SIPA1L1: variants seen among roughly 807,000 people sequenced by gnomAD.
SIPA1L1 encodes the protein signal-induced proliferation-associated 1-like protein 1.
In SIPA1L1, 26 loss-of-function variants were observed where a neutral mutation model predicts 162.7. That is an observed-to-expected ratio of 0.16 (90% CI 0.12 to 0.22). The LOEUF (loss-of-function observed/expected upper bound fraction) is 0.22, where lower values mean the gene tolerates loss of function less well. Among genes scored for constraint, SIPA1L1 ranks in the 10% least tolerant of loss-of-function variants. The pLI is 1.00. For synonymous variants in SIPA1L1, 829 were observed against 837.4 expected, an observed-to-expected ratio of 0.99 and a Z score of 0.17; for missense variants, 1,874 against 2,241.0, an observed-to-expected ratio of 0.84 and a Z score of 3.31.
intron 17 of SIPA1L1, among the ~76,000 whole-genome samples, chr14:71,717,748 T>C (rs2150122188): frequency 6.6e-6 from 1 of 152,298 alleles, no homozygotes; most frequent in Middle Eastern, 3.4e-3. Context: ...GGCCAGTGGG[T>C]TGGTCAGCTG....
chr14:71,619,297 G>A (rs1271849329), intron 6 of SIPA1L1, among the ~76,000 whole-genome samples: 1 of 152,096 alleles, frequency 6.6e-6, no homozygotes, highest in Non-Finnish European at 1.5e-5. Flanking sequence ...CCAAGCTCTT[G>A]CTGAGCTCAT....
At chr14:71,586,065 T>A (rs1447043453) in intron 4 of SIPA1L1, among the ~76,000 whole-genome samples, 1 of 152,136 alleles carries the variant, frequency 6.6e-6, no homozygotes, top group Non-Finnish European at 1.5e-5. Flanking sequence ...AAAAGCCATG[T>A]TTAATTAGGT....
rs1055760057 is a variant in SIPA1L1, at chr14:71,377,234, G to A, written c.-465+56053G>A. ...CTCCCAGATGGGGTGGCGGCTGGGC[G>A]GGGGTGCCCCCCCACCTCCCAGACG... On this transcript the variant is annotated intron_variant, in intron 2 of 23. Transcript: ENST00000381232. The surrounding 1 kb of genome is among the most constrained non-coding windows in gnomAD (Gnocchi z 4.8). Among the ~76,000 whole-genome samples, 9 of 151,124 alleles carry A rather than the reference G, an allele frequency of 6.0e-5. No individual in the cohort carries two copies. Among genetic ancestry groups the A allele is most frequent in the African/African-American group, 1.9e-4 (8 of 41,112 alleles).
intron 4 of SIPA1L1, among the ~76,000 whole-genome samples, chr14:71,578,393 T>C (rs965195202): frequency 1.3e-5 from 2 of 152,084 alleles, no homozygotes; most frequent in African/African-American, 2.4e-5. Context: ...CTCTCTATGC[T>C]CTTTCTTCAT....
chr14:71,354,523 C>G (rs1013063714), intron 2 of SIPA1L1, among the ~76,000 whole-genome samples: 1 of 151,720 alleles, frequency 6.6e-6, no homozygotes, highest in African/African-American at 2.4e-5. Context: ...GCAATCTGCC[C>G]GCCTTGGCCT....
chr14:71,680,395 C>T (rs2045684680), intron 12 of SIPA1L1, among the ~76,000 whole-genome samples: 3 of 152,208 alleles, frequency 2.0e-5, no homozygotes, highest in Non-Finnish European at 2.9e-5. Context: ...AAAGACACAA[C>T]ATACCAGAAT....
chr14:71,578,927 T>C (rs1432527916), intron 4 of SIPA1L1, among the ~76,000 whole-genome samples: 1 of 152,210 alleles, frequency 6.6e-6, no homozygotes, highest in African/African-American at 2.4e-5. Flanking sequence ...AGGTCACTTT[T>C]TTACTCTGAC....
Position 71,588,241 on chromosome 14 carries a change from C to T in SIPA1L1, c.369C>T (p.Ser123=), listed in dbSNP as rs1265155834. 1 of 1,614,124 alleles carries T rather than the reference C, an allele frequency of 6.2e-7. No homozygotes were observed. Among genetic ancestry groups the T allele is most frequent in the East Asian group, 2.2e-5 (1 of 44,882 alleles). The change falls in exon 5 of 24, where the codon AGC becomes AGT. Residue 123 remains serine, a synonymous_variant. Coordinates refer to ENST00000381232, the MANE Select transcript of SIPA1L1 (RefSeq NM_001386936.1). The surrounding 1 kb of genome is among the most constrained non-coding windows in gnomAD (Gnocchi z 4.3). Reference sequence around the variant, plus strand: ...CTGTGAGTCAGGGAAGTTCTGTTAGCCTCAATTCCAATGACTCAGCCATGC... The same window carrying T: ...CTGTGAGTCAGGGAAGTTCTGTTAGTCTCAATTCCAATGACTCAGCCATGC... ...SSPVSQGSSV[S]LNSNDSAMLK... is the part of the protein sequence containing the mutation.
intron 2 of SIPA1L1, among the ~76,000 whole-genome samples, chr14:71,354,281 C>CT (rs553737399): frequency 0.013 from 1,776 of 137,686 alleles, 11 homozygotes; most frequent in East Asian, 0.024. Flanking sequence ...TCATTTGTTT[C>CT]TTTTTTTTTT....
At chr14:71,339,715 T>G (rs1375766087) in intron 2 of SIPA1L1, among the ~76,000 whole-genome samples, 1 of 152,220 alleles carries the variant, frequency 6.6e-6, no homozygotes, top group Non-Finnish European at 1.5e-5. Flanking sequence ...GGAGCCACTC[T>G]ATCTTCATTT....
Position 71,588,988 on chromosome 14 carries a change from C to T in SIPA1L1, c.1116C>T (p.Val372=). 3 of 1,614,108 alleles carry T rather than the reference C, an allele frequency of 1.9e-6. No homozygotes were observed. Among genetic ancestry groups the T allele is most frequent in the Non-Finnish European group, 2.5e-6 (3 of 1,179,978 alleles). Residue 372 remains valine (V), a synonymous_variant, in exon 5 of 24, where the codon GTC becomes GTT. Coordinates refer to ENST00000381232, the MANE Select transcript of SIPA1L1 (RefSeq NM_001386936.1). This position sits in a 1 kb window ranked among gnomAD's most constrained non-coding sequence, Gnocchi z 4.3. ...GASAAAVASL[V]SGPLSHSASF... ...CCGCAGCTGCCGTGGCATCCTTGGTCTCTGGACCTCTGTCTCATTCAGCCA... is the reference window on the plus strand; with the variant it reads ...CCGCAGCTGCCGTGGCATCCTTGGTTTCTGGACCTCTGTCTCATTCAGCCA...
intron 19 of SIPA1L1, among the ~76,000 whole-genome samples, chr14:71,725,930 C>T (rs1391673498): frequency 6.6e-6 from 1 of 152,138 alleles, no homozygotes; most frequent in Admixed American, 6.5e-5. Context: ...TTTCCTAAAC[C>T]ACACACCAGC....
chr14:71,671,936 TG>T (rs2044572528), intron 11 of SIPA1L1, among the ~76,000 whole-genome samples: 1 of 150,200 alleles, frequency 6.7e-6, no homozygotes, highest in Non-Finnish European at 1.5e-5. Context: ...TGTGTGTGTG[TG>T]TGTGTGCGTT....
At chr14:71,568,763 A>G (rs992590470) in intron 4 of SIPA1L1, among the ~76,000 whole-genome samples, 7 of 152,240 alleles carry the variant, frequency 4.6e-5, no homozygotes, top group African/African-American at 1.4e-4. Context: ...GATACCATCT[A>G]TATAAATTTC....
rs192055876 is a variant in SIPA1L1 at position 71,646,266 on chromosome 14, T to C, written c.1819-4069T>C. On this transcript the variant is annotated intron_variant, in intron 7 of 23. Transcript: ENST00000381232. ...ATCTCGGCTCACTGCAAGCTCAGCCTCCCGGGTTCACGCCATTCTCCTGCC... is the reference window on the plus strand; with the variant it reads ...ATCTCGGCTCACTGCAAGCTCAGCCCCCCGGGTTCACGCCATTCTCCTGCC... Among the ~76,000 whole-genome samples, 222 of 150,666 alleles carry C rather than the reference T, an allele frequency of 1.5e-3. 2 individuals carry two copies. In the East Asian group the frequency reaches 0.039, roughly 27 times the overall value.
At chr14:71,368,041 G>A (rs1181714890) in intron 2 of SIPA1L1, among the ~76,000 whole-genome samples, 3 of 149,910 alleles carry the variant, frequency 2.0e-5, no homozygotes, top group Non-Finnish European at 4.4e-5. Context: ...AGTCAGAATA[G>A]AACTTAGACT....
intron 2 of SIPA1L1, among the ~76,000 whole-genome samples, chr14:71,416,749 ACACGCATG>A (rs2042796369): frequency 1.3e-5 from 2 of 149,026 alleles, no homozygotes; most frequent in Admixed American, 6.7e-5. Flanking sequence ...ACACACACAC[ACACGCATG>A]CACACACACA....
chr14:71,382,624 G>A (rs1566954635), intron 2 of SIPA1L1, among the ~76,000 whole-genome samples: 1 of 152,186 alleles, frequency 6.6e-6, no homozygotes, highest in Non-Finnish European at 1.5e-5. Context: ...GAGCTGTGTA[G>A]AATTGCTCTC....
intron 2 of SIPA1L1, among the ~76,000 whole-genome samples, chr14:71,332,906 C>A (rs1006333477): frequency 6.6e-6 from 1 of 151,904 alleles, no homozygotes; most frequent in Non-Finnish European, 1.5e-5. Flanking sequence ...AGATTTAGGC[C>A]TTTTTATAGA....
Sources: allele counts gnomAD v4.1 joint callset (sites outside exome capture counted in the v4.1 genomes callset), GRCh38; gene constraint gnomAD v4.1.1; non-coding constraint Gnocchi (gnomAD v3.1); transcripts MANE v1.5; gene names NCBI Gene and HGNC (gene_info 2026-07-23, HGNC 2026-07-21).